The following COBL variants were observed in gnomAD, a reference collection of about 807,000 sequenced individuals.
COBL encodes the protein cordon-bleu WH2 repeat protein.
A neutral mutation model predicts 98.8 loss-of-function variants in COBL; 51 were observed. The observed-to-expected ratio is 0.52, with a 90% CI of 0.41 to 0.65. The LOEUF (loss-of-function observed/expected upper bound fraction) is 0.65, where lower values mean the gene tolerates loss of function less well. COBL is among the 30% of genes least tolerant of loss of function. The pLI is 0.00. For missense variants in COBL, 1,617 were observed against 1,617.5 expected (o/e 1.00, Z 0.01); for synonymous variants, 634 against 651.7 (o/e 0.97, Z 0.41).
intron 1 of COBL, among the ~76,000 whole-genome samples, chr7:51,251,008 A>T (rs1233668613): frequency 6.6e-6 from 1 of 152,230 alleles, no homozygotes; most frequent in African/African-American, 2.4e-5. Context: ...ATTACTATTG[A>T]AAATAATTGA....
intron 6 of COBL, among the ~76,000 whole-genome samples, chr7:51,108,923 C>T (rs1377430072): frequency 1.2e-5 from 1 of 84,872 alleles, no homozygotes. Flanking sequence ...CATAGACACA[C>T]ACACACACAC....
intron 7 of COBL, chr7:51,083,055 TA>T (rs1793825022): frequency 2.0e-6 from 3 of 1,535,816 alleles, no homozygotes; most frequent in Non-Finnish European, 2.6e-6. Context: ...AAGAGGAACA[TA>T]CGTTTGGGTA....
intron 2 of COBL, among the ~76,000 whole-genome samples, chr7:51,199,774 G>T (rs1584143508): frequency 6.8e-6 from 1 of 147,760 alleles, no homozygotes; most frequent in African/African-American, 2.5e-5. Context: ...AAATTAACCA[G>T]TTAGAAGAAA....
At chr7:51,130,071 A>T (rs370554223) in intron 6 of COBL, among the ~76,000 whole-genome samples, 1 of 152,284 alleles carries the variant, frequency 6.6e-6, no homozygotes, top group African/African-American at 2.4e-5. Context: ...AACAGGCAGG[A>T]TTCCCTGACA....
chr7:51,124,242 G>A (rs1393761046), intron 6 of COBL, among the ~76,000 whole-genome samples: 1 of 152,182 alleles, frequency 6.6e-6, no homozygotes, highest in Admixed American at 6.5e-5. Flanking sequence ...CTGGATGACG[G>A]TGCCTTTGCT....
At chr7:51,087,666 G>C (rs1016383922) in intron 6 of COBL, among the ~76,000 whole-genome samples, 1 of 151,534 alleles carries the variant, frequency 6.6e-6, no homozygotes, top group Non-Finnish European at 1.5e-5. Context: ...TGGAGATGGG[G>C]TTTTGCCATG....
chr7:51,226,338 A>G (rs535652152), intron 1 of COBL, among the ~76,000 whole-genome samples: 1 of 152,340 alleles, frequency 6.6e-6, no homozygotes, highest in South Asian at 2.1e-4. Context: ...TTCTTCAGCA[A>G]TAGGATGTTT....
At chr7:51,135,169 C>T (rs995530956) in intron 6 of COBL, among the ~76,000 whole-genome samples, 5 of 152,128 alleles carry the variant, frequency 3.3e-5, no homozygotes, top group Non-Finnish European at 7.4e-5. Context: ...ACCATGTTGG[C>T]CATGGTTGGT....
intron 5 of COBL, among the ~76,000 whole-genome samples, chr7:51,170,129 G>A (rs1432398495): frequency 6.6e-6 from 1 of 151,920 alleles, no homozygotes; most frequent in African/African-American, 2.4e-5. Context: ...GTTTCCATTT[G>A]CACACTTAGA....
chr7:51,280,258 C>T (rs1799698301), intron 1 of COBL, among the ~76,000 whole-genome samples: 1 of 152,024 alleles, frequency 6.6e-6, no homozygotes, highest in South Asian at 2.1e-4. Flanking sequence ...ACAAGAGAAA[C>T]CTTCTAGTGC....
At chr7:51,291,872 G>C (rs1800934153) in intron 1 of COBL, among the ~76,000 whole-genome samples, 1 of 152,056 alleles carries the variant, frequency 6.6e-6, no homozygotes, top group Admixed American at 6.5e-5. Context: ...ATAAAAATAA[G>C]AAGTGGGGCC....
intron 6 of COBL, among the ~76,000 whole-genome samples, chr7:51,122,977 C>T (rs1050381231): frequency 1.4e-4 from 16 of 112,240 alleles, no homozygotes; most frequent in Non-Finnish European, 2.7e-4. Flanking sequence ...AGCGAGACTC[C>T]ATCTCAAAAA....
intron 8 of COBL, among the ~76,000 whole-genome samples, chr7:51,039,066 T>A (rs368759875): frequency 1.3e-5 from 2 of 152,142 alleles, no homozygotes; most frequent in East Asian, 3.9e-4. Context: ...GGAACGGTGA[T>A]CATGCCCTCT....
At chr7:51,064,919 T>C (rs998442091) in intron 7 of COBL, 4 of 554,194 alleles carry the variant, frequency 7.2e-6, no homozygotes, top group Non-Finnish European at 1.3e-5. Flanking sequence ...AAGGATGCAG[T>C]GCGGTCTGTG....
chr7:51,115,302 A>C (rs747860825), intron 6 of COBL, among the ~76,000 whole-genome samples: 14 of 151,862 alleles, frequency 9.2e-5, no homozygotes, highest in Non-Finnish European at 1.6e-4. Flanking sequence ...TTTTTATTAT[A>C]TCTCTCTTTC....
At chr7:51,245,451 G>A (rs1013000268) in intron 1 of COBL, among the ~76,000 whole-genome samples, 2 of 152,160 alleles carry the variant, frequency 1.3e-5, no homozygotes, top group African/African-American at 4.8e-5. Flanking sequence ...CATTTGTACT[G>A]ATTCCCTTCC....
intron 1 of COBL, among the ~76,000 whole-genome samples, chr7:51,289,766 G>T (rs1379363723): frequency 6.6e-6 from 1 of 152,236 alleles, no homozygotes; most frequent in Non-Finnish European, 1.5e-5. Context: ...AAACAATGAC[G>T]CCTCCTTTGA....
At chr7:51,280,767 C>A (rs1799749986) in intron 1 of COBL, among the ~76,000 whole-genome samples, 1 of 152,152 alleles carries the variant, frequency 6.6e-6, no homozygotes, top group African/African-American at 2.4e-5. Flanking sequence ...CAGACCACCA[C>A]CCAAGTTCCC....
intron 5 of COBL, among the ~76,000 whole-genome samples, chr7:51,146,582 A>G (rs1785052192): frequency 6.9e-6 from 1 of 144,472 alleles, no homozygotes; most frequent in South Asian, 2.3e-4. Context: ...TTAAGATATT[A>G]TCTCTTGTTG....
Sources: allele counts gnomAD v4.1 joint callset (sites outside exome capture counted in the v4.1 genomes callset), GRCh38; gene constraint gnomAD v4.1.1; transcripts MANE v1.5; gene names NCBI Gene and HGNC (gene_info 2026-07-23, HGNC 2026-07-21).